Variants in WDFY3 observed in about 807,000 individuals in gnomAD.
WDFY3 encodes WD repeat and FYVE domain containing 3, also known as WD repeat and FYVE domain-containing protein 3.
WDFY3 carries 66 observed loss-of-function variants against 409.6 expected under a neutral mutation model. The observed-to-expected ratio is 0.16, with a 90% confidence interval of 0.13 to 0.20. The LOEUF (loss-of-function observed/expected upper bound fraction) is 0.20. WDFY3 is among the 10% of genes least tolerant of loss of function. The pLI is 1.00. For synonymous variants in WDFY3, 1,521 were observed against 1,537.1 expected, an observed-to-expected ratio of 0.99 and a Z score of 0.25; for missense variants, 3,031 against 4,298.1, an observed-to-expected ratio of 0.71 and a Z score of 8.24.
chr4:84,924,470 T>C (rs111439347), intron 2 of WDFY3, among the ~76,000 whole-genome samples: 1,935 of 152,326 alleles, frequency 0.013, 52 homozygotes, highest in African/African-American at 0.043. Context: ...GTACCTACCA[T>C]ATGCCAGGCT....
rs1198922830 is a variant in WDFY3, at chr4:84,678,977, G to A, written c.10089C>T (p.Pro3363=). 5 of 1,614,172 alleles carry A rather than the reference G, an allele frequency of 3.1e-6. No homozygotes were observed. Among genetic ancestry groups the A allele is most frequent in the Admixed American group, 1.7e-5 (1 of 60,016 alleles). The change falls in exon 65 of 68, where the codon CCC becomes CCT. Residue 3363 remains proline (P), a synonymous_variant. Transcript: ENST00000295888. ...EGQTRAHLQG[P]LSHPHPNPIE... ...TGGGATTGGGGTGGGGGTGGCTAAG[G>A]GGGCCCTGCAGATGGGCTCTGGTCT...
intron 13 of WDFY3, among the ~76,000 whole-genome samples, chr4:84,815,580 A>C (rs1180114802): frequency 6.6e-6 from 1 of 152,088 alleles, no homozygotes; most frequent in African/African-American, 2.4e-5. Flanking sequence ...ATTTCATTTC[A>C]TCTCCTTTTT....
chr4:84,858,111 C>T (rs914142911), intron 4 of WDFY3, among the ~76,000 whole-genome samples: 1 of 152,064 alleles, frequency 6.6e-6, no homozygotes, highest in African/African-American at 2.4e-5. Context: ...ATAATAAATT[C>T]ACGTAACAAA....
intron 44 of WDFY3, among the ~76,000 whole-genome samples, chr4:84,731,665 A>G (rs900298118): frequency 6.6e-6 from 1 of 152,192 alleles, no homozygotes; most frequent in African/African-American, 2.4e-5. Context: ...TGCCTAGGTA[A>G]AATGCTGATG....
chr4:84,681,827 C>G (rs1038442881), intron 64 of WDFY3, among the ~76,000 whole-genome samples: 1 of 152,206 alleles, frequency 6.6e-6, no homozygotes, highest in Non-Finnish European at 1.5e-5. Flanking sequence ...AATCAATTAT[C>G]TCTATATTTC....
intron 18 of WDFY3, among the ~76,000 whole-genome samples, chr4:84,797,620 G>A (rs916940345): frequency 3.3e-5 from 5 of 150,526 alleles, no homozygotes; most frequent in Non-Finnish European, 5.9e-5. Context: ...TTGCTCTGTC[G>A]CCCAGGCTGG....
At chr4:84,691,885 T>C in intron 59 of WDFY3, 100 bp from the exon 60 acceptor site, 1 of 1,150,420 alleles carries the variant, frequency 8.7e-7, no homozygotes, top group Non-Finnish European at 1.2e-6. Context: ...AAATCAAGCA[T>C]CCTGATACCT....
Position 84,753,787 on chromosome 4 carries a change from T to C in WDFY3, c.5649A>G (p.Pro1883=). 6.2e-7 allele frequency: 1 copy of C among 1,612,572 alleles called. No homozygotes were observed. The highest frequency in any genetic ancestry group is 8.5e-7 in the Non-Finnish European group (1 of 1,179,392). Residue 1883 remains proline, a synonymous_variant, in exon 35 of 68, where the codon CCA becomes CCG. Transcript: ENST00000295888. ...QFFRYLYHNV[P]DLASMWMSPD... is the part of the protein sequence containing the mutation. ...GGCTCATCCACATGGAGGCAAGGTC[T>C]GGCACGTTGTGATACAAATATCTGA... is the stretch of plus-strand genomic sequence containing the variant.
At chr4:84,785,563 G>T (rs1186264982) in intron 24 of WDFY3, among the ~76,000 whole-genome samples, 1 of 152,030 alleles carries the variant, frequency 6.6e-6, no homozygotes, top group Non-Finnish European at 1.5e-5. Flanking sequence ...ATTATCATCT[G>T]TCTTTTCCAC....
At chr4:84,739,352 A>G (rs1738005588) in intron 39 of WDFY3, 2 of 432,030 alleles carry the variant, frequency 4.6e-6, no homozygotes, top group Non-Finnish European at 8.3e-6. Flanking sequence ...TTACCTTAAT[A>G]TTTAACATGC....
chr4:84,682,312 T>C (rs533702996), intron 64 of WDFY3, 62 bp downstream of exon 64: 3 of 1,500,182 alleles, frequency 2.0e-6, no homozygotes, highest in Non-Finnish European at 2.8e-6. Flanking sequence ...TATAAGCTTA[T>C]CCACAGTGAC....
chr4:84,715,172 T>C, intron 50 of WDFY3, 126 bp downstream of exon 50: 1 of 557,680 alleles, frequency 1.8e-6, no homozygotes, highest in East Asian at 2.9e-5. Flanking sequence ...AAAAATAATA[T>C]AAATTATTTT....
intron 11 of WDFY3, among the ~76,000 whole-genome samples, chr4:84,820,443 G>A (rs962375350): frequency 6.6e-6 from 1 of 152,016 alleles, no homozygotes; most frequent in Non-Finnish European, 1.5e-5. Context: ...AAATGCAAAG[G>A]TTAAATATAT....
At chr4:84,819,700 G>A (rs1487536289) in intron 12 of WDFY3, among the ~76,000 whole-genome samples, 2 of 151,958 alleles carry the variant, frequency 1.3e-5, no homozygotes, top group Admixed American at 6.6e-5. Flanking sequence ...ATTTCCTGAA[G>A]GTTGTAACAT....
chr4:84,732,735 T>G (rs1736808788), intron 44 of WDFY3, among the ~76,000 whole-genome samples: 1 of 152,168 alleles, frequency 6.6e-6, no homozygotes, highest in Non-Finnish European at 1.5e-5. Context: ...TGAATACTAT[T>G]CCATTATGTA....
intron 4 of WDFY3, among the ~76,000 whole-genome samples, chr4:84,857,804 T>C (rs991296619): frequency 2.1e-4 from 32 of 152,200 alleles, no homozygotes; most frequent in African/African-American, 7.5e-4. Context: ...ATTCTATAAA[T>C]GCGTTAATGT....
intron 2 of WDFY3, among the ~76,000 whole-genome samples, chr4:84,917,440 G>C (rs1561072056): frequency 6.6e-6 from 1 of 152,096 alleles, no homozygotes; most frequent in Non-Finnish European, 1.5e-5. Flanking sequence ...CTAGGTGATA[G>C]ATACATAAGC....
At chr4:84,728,478 C>G (rs995032471) in intron 44 of WDFY3, among the ~76,000 whole-genome samples, 9 of 151,828 alleles carry the variant, frequency 5.9e-5, no homozygotes, top group African/African-American at 1.9e-4. Flanking sequence ...TGCAGTGAGC[C>G]AAGATCACCA....
intron 27 of WDFY3, among the ~76,000 whole-genome samples, chr4:84,778,204 T>A (rs1745883702): frequency 6.6e-6 from 1 of 152,134 alleles, no homozygotes; most frequent in Non-Finnish European, 1.5e-5. Context: ...AAAGTTTCTA[T>A]CAGAATTGCC....
Sources: gnomAD v4.1 joint callset for allele counts (sites outside exome capture counted in the v4.1 genomes callset) on GRCh38, gnomAD v4.1.1 for gene constraint, MANE v1.5 for transcripts, NCBI Gene and HGNC (gene_info 2026-07-23, HGNC 2026-07-21) for gene names.